COL16A1: variants seen among roughly 807,000 people sequenced by gnomAD.
COL16A1 encodes collagen type XVI alpha 1 chain.
In COL16A1, 189 loss-of-function variants were observed where a neutral mutation model predicts 266.3. That is an observed-to-expected ratio of 0.71 (90% CI 0.63 to 0.80). The LOEUF is 0.80. Among genes scored for constraint, COL16A1 ranks in the 30% least tolerant of loss-of-function variants. The pLI, the probability that COL16A1 is intolerant of heterozygous loss-of-function variation, is 0.00. For synonymous variants in COL16A1, 740 were observed against 782.3 expected, an observed-to-expected ratio of 0.95 and a Z score of 0.90; for missense variants, 1,928 against 2,122.4, an observed-to-expected ratio of 0.91 and a Z score of 1.80.
intron 9 of COL16A1, 41 bp downstream of exon 9, chr1:31,696,047 A>T (rs1374070822): frequency 6.4e-7 from 1 of 1,560,696 alleles, no homozygotes; most frequent in East Asian, 2.2e-5. Context: ...CAGAGGGCAG[A>T]CTGAGGGCAG....
intron 34 of COL16A1, 57 bp downstream of exon 34, chr1:31,683,650 G>A: frequency 5.6e-6 from 9 of 1,610,822 alleles, no homozygotes; most frequent in Non-Finnish European, 7.6e-6. Flanking sequence ...GATGGAAGTA[G>A]GTAGCTGGCT....
At position 31,683,757 on chromosome 1, in the gene COL16A1, G is replaced by A. The variant is rs773972038; in HGVS notation, c.2338-9C>T. ...GGAGGCCCTGGCTCTCCCTGAAGAGGCAGAAGGACAGTCCCTGGCTCGAGG... is the reference window on the plus strand; with the variant it reads ...GGAGGCCCTGGCTCTCCCTGAAGAGACAGAAGGACAGTCCCTGGCTCGAGG... On this transcript the variant is annotated splice_polypyrimidine_tract_variant and intron_variant, in intron 33 of 70. Coordinates refer to ENST00000373672, the MANE Select transcript of COL16A1 (RefSeq NM_001856.4). 2.4e-5 allele frequency: 38 copies of A among 1,613,952 alleles called. No individual in the cohort carries two copies. Among genetic ancestry groups the A allele is most frequent in the Non-Finnish European group, 2.9e-5 (34 of 1,180,002 alleles).
rs1390256857 is a variant in COL16A1 at position 31,652,361 on chromosome 1, C to T, written c.*290G>A. 2 of 214,060 alleles carry T rather than the reference C, an allele frequency of 9.3e-6. No homozygotes were observed. Among genetic ancestry groups the T allele is most frequent in the Non-Finnish European group, 1.8e-5 (2 of 108,558 alleles). 13.3% of individuals were successfully genotyped at this position (214,060 alleles called of 1,614,324 possible). On this transcript the variant is annotated 3_prime_UTR_variant, in exon 71 of 71. Coordinates refer to ENST00000373672, the MANE Select transcript of COL16A1 (RefSeq NM_001856.4). This position sits in a 1 kb window ranked among gnomAD's most constrained non-coding sequence, Gnocchi z 4.8. ...TCAGGCGATCCTCCCACCTCAGCCCCTTGAATAGCTAGGATTACAGGTATA... is the reference window on the plus strand; with the variant it reads ...TCAGGCGATCCTCCCACCTCAGCCCTTTGAATAGCTAGGATTACAGGTATA...
intron 61 of COL16A1, 134 bp from the exon 62 acceptor site, chr1:31,660,772 TC>T: frequency 7.5e-7 from 1 of 1,330,342 alleles, no homozygotes; most frequent in Non-Finnish European, 1.0e-6. Flanking sequence ...ATTCCCAGCC[TC>T]CAGACCCAAG....
chr1:31,694,502 G>A (rs1199526775), intron 11 of COL16A1, among the ~76,000 whole-genome samples: 2 of 152,184 alleles, frequency 1.3e-5, no homozygotes, highest in East Asian at 3.8e-4. Context: ...GTGGGGGACT[G>A]GATTGAAAGA....
chr1:31,694,033 T>C lies in COL16A1; in HGVS notation c.1008+111A>G, dbSNP rs770415820. ...CATACACTTAATCACCCTACACACA[T>C]ACAGGCTCAGGTGGCCCTGATAGAA... On this transcript the variant is annotated intron_variant, in intron 12 of 70. Transcript: ENST00000373672. 477 of 979,344 alleles carry C rather than the reference T, an allele frequency of 4.9e-4. 2 individuals are homozygous for C. The highest frequency in any genetic ancestry group is 5.2e-4 in the Non-Finnish European group (334 of 637,822). 60.7% of individuals were successfully genotyped at this position (979,344 alleles called of 1,614,324 possible).
chr1:31,695,309 T>C (rs1483321063), intron 10 of COL16A1, 88 bp from the exon 11 acceptor site: 15 of 1,299,948 alleles, frequency 1.2e-5, no homozygotes, highest in Non-Finnish European at 1.4e-5. Flanking sequence ...CCACAGAACA[T>C]CACACATATC....
chr1:31,684,650 A>G lies in COL16A1; in HGVS notation c.2053-20T>C. On this transcript the variant is annotated intron_variant, in intron 30 of 70. Coordinates refer to ENST00000373672, the MANE Select transcript of COL16A1 (RefSeq NM_001856.4). The stretch of plus-strand genomic sequence containing the variant: ...ATCACCCTGTAAGGAGTGGGGTTCA[A>G]GGAAAGCAAGGATGGCCCAGCCGGG... The G allele has an allele frequency of 1.2e-6, 2 of 1,611,906 alleles. No individual in the cohort carries two copies. The highest frequency in any genetic ancestry group is 1.7e-6 in the Non-Finnish European group (2 of 1,178,512).
At chr1:31,700,551 T>G (rs1027010172) in intron 2 of COL16A1, among the ~76,000 whole-genome samples, 1 of 152,226 alleles carries the variant, frequency 6.6e-6, no homozygotes, top group Non-Finnish European at 1.5e-5. Flanking sequence ...GAGGAGCTCT[T>G]CAGGGGTAAG....
chr1:31,696,867 G>T, intron 8 of COL16A1, 96 bp downstream of exon 8: 1 of 1,580,418 alleles, frequency 6.3e-7, no homozygotes. Context: ...TGGGCCCATG[G>T]CCAACTGACC....
rs1199263191 is a variant in COL16A1 at position 31,661,117 on chromosome 1, A to G, written c.3774T>C (p.Gly1258=). ...TGHPGLPGPK[G]DCGKPGPPGS... ...CAGGGGGACCTGGTTTGCCACAGTCACCCTAGAAGAGAGAGGAGCAGCTGG... is the reference window on the plus strand; with the variant it reads ...CAGGGGGACCTGGTTTGCCACAGTCGCCCTAGAAGAGAGAGGAGCAGCTGG... The change falls in exon 61 of 71, where the codon GGT becomes GGC. Residue 1258 remains glycine, a splice_region_variant and synonymous_variant. Coordinates refer to ENST00000373672, the MANE Select transcript of COL16A1 (RefSeq NM_001856.4). 1.3e-6 allele frequency: 2 copies of G among 1,563,260 alleles called. No homozygotes were observed. The highest frequency in any genetic ancestry group is 1.7e-6 in the Non-Finnish European group (2 of 1,152,756).
intron 44 of COL16A1, 46 bp downstream of exon 44, chr1:31,674,961 G>T: frequency 6.2e-7 from 1 of 1,603,824 alleles, no homozygotes; most frequent in Non-Finnish European, 8.5e-7. Context: ...ATCCCCTTAG[G>T]AGACACCCCC....
At chr1:31,696,287 C>T in intron 8 of COL16A1, 146 bp from the exon 9 acceptor site, 2 of 651,034 alleles carry the variant, frequency 3.1e-6, no homozygotes, top group Non-Finnish European at 5.2e-6. Context: ...AGGGCCTGCT[C>T]AGGCCCCTGT....
chr1:31,685,852 T>C lies in COL16A1; in HGVS notation c.1885-82A>G. 2 of 1,585,722 alleles carry C rather than the reference T, an allele frequency of 1.3e-6. No individual in the cohort carries two copies. The highest frequency in any genetic ancestry group is 1.7e-5 in the Admixed American group (1 of 58,416). On this transcript the variant is annotated intron_variant, in intron 28 of 70. Transcript: ENST00000373672. This position sits in a 1 kb window ranked among gnomAD's most constrained non-coding sequence, Gnocchi z 4.0. ...AGGTTTGGAATCTAGGGCTGGGGAA[T>C]GTCACTGGGTCTGACACTGCACCTC...
In COL16A1 at chr1:31,697,296, T is replaced by C. The variant is rs150383915; in HGVS notation, c.662A>G (p.Asp221Gly). 2.5e-6 allele frequency: 4 copies of C among 1,607,616 alleles called. No individual in the cohort carries two copies. The East Asian group carries it at 6.8e-5, about 27-fold the overall frequency. Reference protein sequence around the residue: ...DAEQGKPVSFDLQQVHIYCDP... With the variant: ...DAEQGKPVSFGLQQVHIYCDP... ...ACAGTAGATGTGCACCTGCTGAAGGTCAAACTGCAGGAGACACACACATCA... is the reference window on the plus strand; with the variant it reads ...ACAGTAGATGTGCACCTGCTGAAGGCCAAACTGCAGGAGACACACACATCA... The change falls in exon 7 of 71, where the codon GAC becomes GGC. Residue 221 changes from aspartate to glycine, a missense_variant. By Grantham distance (94) the Asp-to-Gly change is moderately conservative. Coordinates refer to ENST00000373672, the MANE Select transcript of COL16A1 (RefSeq NM_001856.4). This position sits in a 1 kb window ranked among gnomAD's most constrained non-coding sequence, Gnocchi z 4.2.
At chr1:31,682,071 G>A (rs1193180422) in intron 37 of COL16A1, among the ~76,000 whole-genome samples, 1 of 152,194 alleles carries the variant, frequency 6.6e-6, no homozygotes, top group African/African-American at 2.4e-5. Context: ...TTTGCCCACC[G>A]CCTGGCATGG....
chr1:31,670,823 T>C lies in COL16A1; in HGVS notation c.3151-177A>G, dbSNP rs1336409804. On this transcript the variant is annotated intron_variant, in intron 48 of 70. Transcript: ENST00000373672. This position sits in a 1 kb window ranked among gnomAD's most constrained non-coding sequence, Gnocchi z 4.5. ...CTCAAAAGACAACTGTTCCTCCCCT[T>C]GGCTCCAGGAAGAATGGCTCCTCCG... Among the ~76,000 whole-genome samples, 1 of 152,238 alleles carries C rather than the reference T, an allele frequency of 6.6e-6. No individual in the cohort carries two copies. The highest frequency in any genetic ancestry group is 1.5e-5 in the Non-Finnish European group (1 of 68,040).
chr1:31,685,299 C>T lies in COL16A1; in HGVS notation c.2016+340G>A, dbSNP rs370538989. Among the ~76,000 whole-genome samples the T allele has an allele frequency of 2.3e-4, 35 of 152,312 alleles. No individual in the cohort carries two copies. In the South Asian group the frequency reaches 3.9e-3, roughly 17 times the overall value. Reference sequence around the variant, plus strand: ...GGTGTACCACTAAGCACTTCACACACGCCATTACTAGGCTTTACTCTGTGC... The same window carrying T: ...GGTGTACCACTAAGCACTTCACACATGCCATTACTAGGCTTTACTCTGTGC... On this transcript the variant is annotated intron_variant, in intron 29 of 70. Transcript: ENST00000373672. This position sits in a 1 kb window ranked among gnomAD's most constrained non-coding sequence, Gnocchi z 4.0.
chr1:31,691,669 A>G (rs1357784306), intron 17 of COL16A1, 27 bp from the exon 18 acceptor site: 1 of 1,610,056 alleles, frequency 6.2e-7, no homozygotes. Flanking sequence ...GGGAGGGTGT[A>G]CAAACAGCCC....
Sources: gnomAD v4.1 joint callset for allele counts (sites outside exome capture counted in the v4.1 genomes callset) on GRCh38, gnomAD v4.1.1 for gene constraint, Gnocchi (gnomAD v3.1) non-coding constraint, MANE v1.5 for transcripts, NCBI Gene and HGNC (gene_info 2026-07-23, HGNC 2026-07-21) for gene names.